Variants in TBC1D31 observed in about 807,000 individuals in gnomAD.
TBC1D31 encodes the protein TBC1 domain family member 31.
In TBC1D31, 99 loss-of-function variants were observed where a neutral mutation model predicts 132.9. The ratio of observed to expected loss-of-function variants is 0.74; its 90% confidence interval spans 0.63 to 0.88. The LOEUF (loss-of-function observed/expected upper bound fraction) is 0.88. Ranked by LOEUF, TBC1D31 falls within the 40% of genes least tolerant of loss-of-function variation. TBC1D31 has a pLI of 0.00. For missense variants in TBC1D31, 1,134 were observed against 1,256.6 expected, an observed-to-expected ratio of 0.90 and a Z score of 1.48; for synonymous variants, 385 against 419.4, an observed-to-expected ratio of 0.92 and a Z score of 1.00.
In TBC1D31 at chr8:123,116,380, A is replaced by G. The variant is rs138193295; in HGVS notation, c.1437-3675A>G. On this transcript the variant is annotated intron_variant, in intron 10 of 21. Transcript: ENST00000287380. ...GCAAGTCTGAAACTACTTTATGTGT[A>G]GAAGCCACTTTTTGTATACAAATAG... 3.4e-3 allele frequency among the ~76,000 whole-genome samples: 513 copies of G among 152,336 alleles called. 3 individuals carry two copies. The highest frequency in any genetic ancestry group is 0.02 in the Middle Eastern group (6 of 294).
chr8:123,154,080 A>G (rs1371684860), downstream of TBC1D31, among the ~76,000 whole-genome samples: 1 of 152,232 alleles, frequency 6.6e-6, no homozygotes, highest in Admixed American at 6.5e-5. Flanking sequence ...CGGCATTTGT[A>G]AAGGTCTTTC....
At position 123,136,057 on chromosome 8, in the gene TBC1D31, G is replaced by A. The variant is rs73339628; in HGVS notation, c.2499+1851G>A. Among the ~76,000 whole-genome samples the A allele has an allele frequency of 1.8e-3, 276 of 152,216 alleles. 2 individuals are homozygous for A. The highest frequency in any genetic ancestry group is 6.5e-3 in the African/African-American group (269 of 41,528). On this transcript the variant is annotated intron_variant, in intron 17 of 21. Coordinates refer to ENST00000287380, the MANE Select transcript of TBC1D31 (RefSeq NM_145647.4). ...TGTTTTTCTGAACTGTTACAGACGTGATGCTCCTTTACCTCTAAATACTTC... is the reference window on the plus strand; with the variant it reads ...TGTTTTTCTGAACTGTTACAGACGTAATGCTCCTTTACCTCTAAATACTTC...
At chr8:123,129,006 G>A in intron 14 of TBC1D31, 60 bp from the exon 15 acceptor site, 1 of 1,172,332 alleles carries the variant, frequency 8.5e-7, no homozygotes, top group Non-Finnish European at 1.2e-6. Context: ...TATACATTTT[G>A]TGTTTTGATG....
chr8:123,075,057 T>A (rs1814356717), intron 1 of TBC1D31: 1 of 152,234 alleles, frequency 6.6e-6, no homozygotes, highest in African/African-American at 2.4e-5. Flanking sequence ...TGAGTATTTG[T>A]TTCTTAGTGT....
rs1440621388 is a variant in TBC1D31 at position 123,126,115 on chromosome 8, A to G, written c.1630A>G (p.Met544Val). The change falls in exon 12 of 22, where the codon ATG (methionine) becomes GTG (valine). Residue 544 changes from methionine to valine, a missense_variant. By Grantham distance (21) the Met-to-Val change is conservative. Transcript: ENST00000287380. ...FPNPPINILS[M>V]IENVLAFHDK... ...TAATCCTCCTATCAATATTCTTAGC[A>G]TGATAGAAAATGTTTTGGCATTTCA... The G allele has an allele frequency of 1.2e-6, 2 of 1,612,202 alleles. No individual in the cohort carries two copies. Among genetic ancestry groups the G allele is most frequent in the Non-Finnish European group, 1.7e-6 (2 of 1,179,104 alleles).
intron 4 of TBC1D31, among the ~76,000 whole-genome samples, chr8:123,088,175 C>T (rs531555498): frequency 3.8e-3 from 545 of 143,814 alleles, no homozygotes; most frequent in Non-Finnish European, 6.0e-3. Flanking sequence ...GGCAACAGAG[C>T]GAGACTCTTG....
In TBC1D31 at chr8:123,142,360, A is replaced by G; in HGVS notation, c.2739A>G (p.Arg913=). 1 of 1,610,760 alleles carries G rather than the reference A, an allele frequency of 6.2e-7. No homozygotes were observed. Among genetic ancestry groups the G allele is most frequent in the Non-Finnish European group, 8.5e-7 (1 of 1,178,782 alleles). ...LHKQKCDDLQ[R]NKCYQEVAKL... is the part of the protein sequence containing the mutation. ...AACAAAAATGTGATGATCTACAACG[A>G]AACAAATGTTACCAGGAAGTAGCCA... Residue 913 remains arginine, a synonymous_variant, in exon 19 of 22, where the codon CGA becomes CGG. Transcript: ENST00000287380.
Position 123,141,924 on chromosome 8 carries a change from A to T in TBC1D31, c.2641-338A>T, listed in dbSNP as rs189999847. Among the ~76,000 whole-genome samples the T allele has an allele frequency of 9.5e-3, 1,276 of 134,178 alleles. 17 individuals carry two copies. The highest frequency in any genetic ancestry group is 0.035 in the African/African-American group (1,201 of 34,744). The allele number at this position is 134,178 out of a possible 152,430, so 88.0% of individuals were successfully genotyped here. On this transcript the variant is annotated intron_variant, in intron 18 of 21. Coordinates refer to ENST00000287380, the MANE Select transcript of TBC1D31 (RefSeq NM_145647.4). ...TACCCAGGCTGGAGTGCAGTGGCACAATCTCAGCTCACTGCAACCTCCACC... is the reference window on the plus strand; with the variant it reads ...TACCCAGGCTGGAGTGCAGTGGCACTATCTCAGCTCACTGCAACCTCCACC...
At chr8:123,147,353 A>G (rs1822323243) in intron 20 of TBC1D31, among the ~76,000 whole-genome samples, 1 of 152,050 alleles carries the variant, frequency 6.6e-6, no homozygotes. Flanking sequence ...TTGTATTTTT[A>G]GTAGAGACGG....
intron 14 of TBC1D31, among the ~76,000 whole-genome samples, 154 bp from the exon 15 acceptor site, chr8:123,128,912 T>C (rs1283703290): frequency 6.6e-6 from 1 of 152,172 alleles, no homozygotes; most frequent in Non-Finnish European, 1.5e-5. Flanking sequence ...TGAGTATTTG[T>C]GTAAAATCAG....
chr8:123,129,846 G>A (rs1820435629), intron 15 of TBC1D31, among the ~76,000 whole-genome samples: 1 of 152,128 alleles, frequency 6.6e-6, no homozygotes, highest in Non-Finnish European at 1.5e-5. Flanking sequence ...TGTTAATAAG[G>A]TAAAATGTGT....
the TBC1D31 span, among the ~76,000 whole-genome samples, chr8:123,158,475 G>C: frequency 0.075 from 11,450 of 152,172 alleles, 510 homozygotes; most frequent in Admixed American, 0.12. Context: ...GTGCCTCCCA[G>C]GGAAAGGACG....
At chr8:123,105,220 C>A in intron 7 of TBC1D31, 68 bp from the exon 8 acceptor site, 1 of 1,205,014 alleles carries the variant, frequency 8.3e-7, no homozygotes. Context: ...TTTTGAAAAT[C>A]ATACATTAAC....
intron 17 of TBC1D31, among the ~76,000 whole-genome samples, chr8:123,138,020 G>A (rs1432353987): frequency 2.6e-5 from 4 of 152,120 alleles, no homozygotes; most frequent in Admixed American, 2.6e-4. Context: ...ACTCCAGTAT[G>A]CACACGTCGT....
Position 123,100,800 on chromosome 8 carries a change from C to G in TBC1D31, c.832-7C>G, listed in dbSNP as rs753801225. On this transcript the variant is annotated splice_region_variant and splice_polypyrimidine_tract_variant and intron_variant, in intron 6 of 21. Transcript: ENST00000287380. ...GTTTTTAGGAATTTATATTTTTTCT[C>G]TCTTAGGTTCTTGGAGTACTAAGTC... is the stretch of plus-strand genomic sequence containing the variant. 2 of 1,605,794 alleles carry G rather than the reference C, an allele frequency of 1.2e-6. No homozygotes were observed. Among genetic ancestry groups the G allele is most frequent in the Admixed American group, 1.7e-5 (1 of 59,810 alleles).
At chr8:123,154,304 C>T (rs771148732), downstream of TBC1D31, among the ~76,000 whole-genome samples, 14 of 152,116 alleles carry the variant, frequency 9.2e-5, no homozygotes, top group Non-Finnish European at 1.5e-4. Flanking sequence ...ACTATGAAGA[C>T]GTAAAGAGAA....
At chr8:123,082,539 A>C (rs1365296688) in intron 2 of TBC1D31, 163 bp from the exon 3 acceptor site, 5 of 584,960 alleles carry the variant, frequency 8.5e-6, no homozygotes, top group Non-Finnish European at 1.5e-5. Context: ...ATAACATCCA[A>C]ACTCCTTAAT....
the TBC1D31 span, among the ~76,000 whole-genome samples, chr8:123,164,829 G>A: frequency 7.2e-5 from 11 of 152,156 alleles, no homozygotes; most frequent in African/African-American, 2.7e-4. Flanking sequence ...AGCCCTGTGA[G>A]TGGTCTTCCT....
Position 123,128,533 on chromosome 8 carries a change from T to C in TBC1D31, c.2117+20T>C. On this transcript the variant is annotated intron_variant, in intron 14 of 21. Coordinates refer to ENST00000287380, the MANE Select transcript of TBC1D31 (RefSeq NM_145647.4). ...AGAGAGGTAATTATGGAATAGTTTTTCTTTTTCTGATACAATGAAATATGT... is the reference window on the plus strand; with the variant it reads ...AGAGAGGTAATTATGGAATAGTTTTCCTTTTTCTGATACAATGAAATATGT... 1 of 1,493,102 alleles carries C rather than the reference T, an allele frequency of 6.7e-7. No homozygotes were observed. The highest frequency in any genetic ancestry group is 9.3e-7 in the Non-Finnish European group (1 of 1,074,948). The allele number at this position is 1,493,102 out of a possible 1,614,324, so 92.5% of individuals were successfully genotyped here. A position where few individuals can be genotyped will look rare whatever the true frequency, so the allele number is the denominator to read the frequency against.
Sources: gnomAD v4.1 joint callset for allele counts (sites outside exome capture counted in the v4.1 genomes callset) on GRCh38, gnomAD v4.1.1 for gene constraint, MANE v1.5 for transcripts, NCBI Gene and HGNC (gene_info 2026-07-23, HGNC 2026-07-21) for gene names.